Variants in THEMIS observed in about 807,000 individuals in gnomAD.
The protein encoded by THEMIS is protein THEMIS.
A neutral mutation model predicts 52.6 loss-of-function variants in THEMIS; 37 were observed. The observed-to-expected ratio is 0.70, with a 90% CI of 0.54 to 0.93. The LOEUF is 0.93. Ranked by LOEUF, THEMIS falls within the 40% of genes least tolerant of loss-of-function variation. The pLI is 0.00. For missense variants in THEMIS, 808 were observed against 763.1 expected (o/e 1.06, Z -0.69); for synonymous variants, 292 against 272.7 (o/e 1.07, Z -0.70).
intron 4 of THEMIS, among the ~76,000 whole-genome samples, chr6:127,750,994 A>G (rs1358610856): frequency 6.6e-6 from 1 of 151,810 alleles, no homozygotes; most frequent in Non-Finnish European, 1.5e-5. Flanking sequence ...AAATGAAAGA[A>G]TGCTAATTAG....
chr6:127,786,596 C>A (rs1462374928), intron 4 of THEMIS, among the ~76,000 whole-genome samples: 1 of 152,040 alleles, frequency 6.6e-6, no homozygotes, highest in Non-Finnish European at 1.5e-5. Context: ...CACAACAATT[C>A]TCTAGGGCAT....
At position 127,887,361 on chromosome 6, in the gene THEMIS, T is replaced by C. The variant is rs551979114; in HGVS notation, c.91+13481A>G. ...GGCTATAAAGGGAGAAAATACCAAG[T>C]CTTAGCGTGGATGTTAAGAAACTGG... On this transcript the variant is annotated intron_variant, in intron 1 of 5. Transcript: ENST00000368248. Among the ~76,000 whole-genome samples the C allele has an allele frequency of 1.2e-3, 183 of 152,228 alleles. 1 individual carries two copies. The highest frequency in any genetic ancestry group is 4.2e-3 in the African/African-American group (176 of 41,556).
chr6:127,843,702 T>C lies in THEMIS; in HGVS notation c.250+11328A>G, dbSNP rs75263085. ...AGTGCCCTCCCAGATTGCACTAGCA[T>C]TGATCTGTGTGATCAAAAGGGTATG... On this transcript the variant is annotated intron_variant, in intron 2 of 5. Transcript: ENST00000368248. 1.7e-4 allele frequency among the ~76,000 whole-genome samples: 26 copies of C among 152,064 alleles called. No individual in the cohort carries two copies. The East Asian group carries it at 4.7e-3, about 27-fold the overall frequency.
chr6:127,905,718 T>C (rs1464315086), upstream of THEMIS, among the ~76,000 whole-genome samples: 1 of 152,002 alleles, frequency 6.6e-6, no homozygotes, highest in Non-Finnish European at 1.5e-5. Flanking sequence ...GAAGTTAAAA[T>C]GTTCTAAAGC....
At chr6:127,902,850 T>C (rs183217250), upstream of THEMIS, among the ~76,000 whole-genome samples, 3 of 152,162 alleles carry the variant, frequency 2.0e-5, no homozygotes, top group East Asian at 5.8e-4. Context: ...ATGAATCCGT[T>C]AGAACTGATG....
chr6:127,901,118 C>A, upstream of THEMIS: 1 of 584,618 alleles, frequency 1.7e-6, no homozygotes, highest in Non-Finnish European at 3.1e-6. Context: ...AGGGGGGAAG[C>A]AGGAGACAAA....
At chr6:127,835,680 C>A (rs1373248634) in intron 2 of THEMIS, among the ~76,000 whole-genome samples, 1 of 152,064 alleles carries the variant, frequency 6.6e-6, no homozygotes, top group Non-Finnish European at 1.5e-5. Context: ...GATATTCTAG[C>A]CTGGATCAAA....
chr6:127,835,725 A>G (rs1382185757), intron 2 of THEMIS, among the ~76,000 whole-genome samples: 2 of 152,188 alleles, frequency 1.3e-5, no homozygotes, highest in Non-Finnish European at 2.9e-5. Context: ...TCTACAGCTC[A>G]GCATCTGGCA....
chr6:127,839,481 A>G (rs1232126360), intron 2 of THEMIS, among the ~76,000 whole-genome samples: 2 of 152,202 alleles, frequency 1.3e-5, no homozygotes, highest in Admixed American at 6.5e-5. Flanking sequence ...TACTATTTGC[A>G]AATAATGATT....
intron 4 of THEMIS, among the ~76,000 whole-genome samples, chr6:127,795,728 C>T (rs2114539631): frequency 6.6e-6 from 1 of 152,248 alleles, no homozygotes; most frequent in East Asian, 1.9e-4. Context: ...AAGATTAATA[C>T]TAAGAAGAAG....
intron 1 of THEMIS, among the ~76,000 whole-genome samples, chr6:127,886,536 T>G (rs924348014): frequency 1.3e-5 from 2 of 152,152 alleles, no homozygotes; most frequent in Non-Finnish European, 2.9e-5. Context: ...TTCCTGTTTT[T>G]GTTCACTTGG....
At chr6:127,786,192 C>A (rs1241412831) in intron 4 of THEMIS, among the ~76,000 whole-genome samples, 2 of 152,066 alleles carry the variant, frequency 1.3e-5, no homozygotes, top group African/African-American at 4.8e-5. Flanking sequence ...TCTTATTTTT[C>A]TCAGGTAACA....
chr6:127,788,240 T>C (rs1777042474), intron 4 of THEMIS, among the ~76,000 whole-genome samples: 2 of 152,218 alleles, frequency 1.3e-5, no homozygotes, highest in African/African-American at 2.4e-5. Flanking sequence ...TCAACCCTAC[T>C]TTAACCAAGT....
chr6:127,775,637 C>CTT (rs1170881603), intron 4 of THEMIS, among the ~76,000 whole-genome samples: 1 of 141,444 alleles, frequency 7.1e-6, no homozygotes. Context: ...TTATTTCATG[C>CTT]TTTTTTTTTT....
At chr6:127,698,991 A>AT in the THEMIS span, among the ~76,000 whole-genome samples, 9 of 151,848 alleles carry the variant, frequency 5.9e-5, no homozygotes, top group South Asian at 4.2e-4. Flanking sequence ...CAGCTGATAC[A>AT]TTTTTTTTAA....
At chr6:127,703,110 G>C (rs1773747828), downstream of THEMIS, among the ~76,000 whole-genome samples, 3 of 138,342 alleles carry the variant, frequency 2.2e-5, no homozygotes, top group South Asian at 2.3e-4. Flanking sequence ...TGCAGTGGCG[G>C]GATCTCGGCT....
At chr6:127,758,663 A>G (rs1212342479) in intron 4 of THEMIS, among the ~76,000 whole-genome samples, 1 of 152,022 alleles carries the variant, frequency 6.6e-6, no homozygotes, top group Non-Finnish European at 1.5e-5. Context: ...GAAGGCAACT[A>G]TATAAATATG....
At chr6:127,836,581 AG>A (rs1778881071) in intron 2 of THEMIS, among the ~76,000 whole-genome samples, 1 of 152,216 alleles carries the variant, frequency 6.6e-6, no homozygotes. Flanking sequence ...AATGAATGTC[AG>A]GGCTTAGGAT....
At chr6:127,859,185 C>A (rs1037622526) in intron 1 of THEMIS, among the ~76,000 whole-genome samples, 23 of 152,040 alleles carry the variant, frequency 1.5e-4, no homozygotes, top group African/African-American at 5.6e-4. Flanking sequence ...CCACCCCCTG[C>A]CACTACACCA....
Sources: gnomAD v4.1 joint callset for allele counts (sites outside exome capture counted in the v4.1 genomes callset) on GRCh38, gnomAD v4.1.1 for gene constraint, MANE v1.5 for transcripts, NCBI Gene and HGNC (gene_info 2026-07-23, HGNC 2026-07-21) for gene names.